VPS39: variants seen among roughly 807,000 people sequenced by gnomAD.
The protein encoded by VPS39 is VPS39 subunit of HOPS complex.
In VPS39, 70 loss-of-function variants were observed where a neutral mutation model predicts 121.0. The observed-to-expected ratio is 0.58, with a 90% CI of 0.48 to 0.71. VPS39 has a LOEUF of 0.71. Ranked by LOEUF, VPS39 falls within the 30% of genes least tolerant of loss-of-function variation. The pLI, the probability that VPS39 is intolerant of heterozygous loss-of-function variation, is 0.00. For synonymous variants in VPS39, 378 were observed against 398.1 expected (o/e 0.95, Z 0.60); for missense variants, 818 against 1,051.5 (o/e 0.78, Z 3.07).
intron 1 of VPS39, among the ~76,000 whole-genome samples, chr15:42,206,246 C>T (rs1360959260): frequency 6.6e-6 from 1 of 152,192 alleles, no homozygotes. Flanking sequence ...CCTGGACGAA[C>T]TTTCCATCCA....
At chr15:42,162,681 G>A (rs2140833682) in intron 21 of VPS39, 200 bp from the exon 22 acceptor site, 2 of 545,310 alleles carry the variant, frequency 3.7e-6, no homozygotes, top group African/African-American at 1.9e-5. Flanking sequence ...CTTTTTCCCT[G>A]AGAGAAAAAA....
At chr15:42,168,289 G>C (rs751307811) in intron 12 of VPS39, among the ~76,000 whole-genome samples, 17 of 152,212 alleles carry the variant, frequency 1.1e-4, no homozygotes, top group Admixed American at 7.2e-4. Flanking sequence ...GGCAGTGGAG[G>C]GCCTTCCACA....
Position 42,162,179 on chromosome 15 carries a change from A to G in VPS39, c.2326-13T>C. 1 of 1,614,168 alleles carries G rather than the reference A, an allele frequency of 6.2e-7. No homozygotes were observed. The highest frequency in any genetic ancestry group is 8.5e-7 in the Non-Finnish European group (1 of 1,180,002). On this transcript the variant is annotated splice_polypyrimidine_tract_variant and intron_variant, in intron 22 of 24. Coordinates refer to ENST00000318006, the MANE Select transcript of VPS39 (RefSeq NM_015289.5). ...GAAGGTTGAGGGCCTAGGGACAGGAACAGAGATAGGGACTGGGTGAGGTGA... is the reference window on the plus strand; with the variant it reads ...GAAGGTTGAGGGCCTAGGGACAGGAGCAGAGATAGGGACTGGGTGAGGTGA...
intron 7 of VPS39, among the ~76,000 whole-genome samples, chr15:42,187,055 C>T (rs1266032137): frequency 1.3e-5 from 2 of 152,118 alleles, no homozygotes; most frequent in Admixed American, 6.5e-5. Context: ...ATCATCATTA[C>T]GTAAAGAACT....
chr15:42,206,773 G>A (rs544441372), intron 1 of VPS39, among the ~76,000 whole-genome samples: 4 of 152,278 alleles, frequency 2.6e-5, no homozygotes, highest in Admixed American at 2.0e-4. Context: ...ATTCATCATT[G>A]TATTACTGTC....
At chr15:42,182,532 T>G (rs1340312097) in intron 8 of VPS39, among the ~76,000 whole-genome samples, 2 of 152,222 alleles carry the variant, frequency 1.3e-5, no homozygotes, top group East Asian at 3.8e-4. Flanking sequence ...CAGCAAGCAT[T>G]TTCTTACACG....
intron 8 of VPS39, chr15:42,178,793 G>C (rs2049512470): frequency 1.9e-6 from 1 of 531,420 alleles, no homozygotes; most frequent in African/African-American, 1.9e-5. Context: ...ACGTAGGCCG[G>C]AAGTTTGAGA....
intron 2 of VPS39, chr15:42,192,142 G>C (rs531457879): frequency 4.6e-6 from 7 of 1,533,832 alleles, no homozygotes; most frequent in African/African-American, 2.7e-5. Context: ...ATAAAAACAT[G>C]TGAATTCAGC....
chr15:42,170,741 ATTTT>A (rs869280235), intron 11 of VPS39, among the ~76,000 whole-genome samples: 4 of 50,482 alleles, frequency 7.9e-5, no homozygotes, highest in African/African-American at 2.2e-4. Context: ...ATGCTCGCAG[ATTTT>A]TTTTTTTTTT....
chr15:42,166,367 G>T, intron 15 of VPS39, 135 bp from the exon 16 acceptor site: 1 of 1,127,966 alleles, frequency 8.9e-7, no homozygotes, highest in Non-Finnish European at 1.3e-6. Context: ...GGGGTTGTTA[G>T]CCCTACTGGG....
At chr15:42,192,263 C>T (rs904559890) in intron 2 of VPS39, among the ~76,000 whole-genome samples, 1 of 152,128 alleles carries the variant, frequency 6.6e-6, no homozygotes, top group Non-Finnish European at 1.5e-5. Context: ...TAACTACATA[C>T]TGGGTTCGGG....
rs571114136 is a variant in VPS39 at position 42,169,612 on chromosome 15, A to G, written c.1233+112T>C. The G allele has an allele frequency of 1.2e-5, 15 of 1,243,640 alleles. 1 individual carries two copies. Among genetic ancestry groups the G allele is most frequent in the Non-Finnish European group, 1.6e-5 (15 of 924,938 alleles). 77.0% of individuals were successfully genotyped at this position (1,243,640 alleles called of 1,614,324 possible). On this transcript the variant is annotated intron_variant, in intron 12 of 24. Coordinates refer to ENST00000318006, the MANE Select transcript of VPS39 (RefSeq NM_015289.5). ...TTACCCCAGGCAGACTTCCTACAGC[A>G]TTAATTTACAGACTGCCTTGGCATT...
chr15:42,170,736 C>T (rs1365469765), intron 11 of VPS39, among the ~76,000 whole-genome samples: 4 of 117,984 alleles, frequency 3.4e-5, no homozygotes, highest in African/African-American at 5.8e-5. Flanking sequence ...CACAGATGCT[C>T]GCAGATTTTT....
chr15:42,161,429 C>T, intron 24 of VPS39: 1 of 573,794 alleles, frequency 1.7e-6, no homozygotes, highest in Non-Finnish European at 3.2e-6. Context: ...GTTCTAGCTT[C>T]AAGAGGGGAA....
chr15:42,201,141 G>C (rs1007394375), intron 1 of VPS39, among the ~76,000 whole-genome samples: 3 of 151,836 alleles, frequency 2.0e-5, no homozygotes, highest in Non-Finnish European at 4.4e-5. Context: ...ATAACTCTGT[G>C]AATGTACTAA....
chr15:42,164,027 G>C (rs190209366), intron 19 of VPS39, among the ~76,000 whole-genome samples: 2 of 152,336 alleles, frequency 1.3e-5, no homozygotes, highest in African/African-American at 4.8e-5. Flanking sequence ...GGTAAGATGA[G>C]CAAATGCTTG....
At chr15:42,198,315 G>A (rs1345727351) in intron 2 of VPS39, among the ~76,000 whole-genome samples, 1 of 152,076 alleles carries the variant, frequency 6.6e-6, no homozygotes, top group Non-Finnish European at 1.5e-5. Context: ...TATAGACCAG[G>A]CAAATATCAC....
chr15:42,194,879 G>T (rs1183526661), intron 2 of VPS39, among the ~76,000 whole-genome samples: 1 of 151,004 alleles, frequency 6.6e-6, no homozygotes, highest in Non-Finnish European at 1.5e-5. Context: ...GTGTTCAGGT[G>T]CTAACCAGTT....
chr15:42,160,710 G>A lies in VPS39; in HGVS notation c.*44C>T. On this transcript the variant is annotated 3_prime_UTR_variant, in exon 25 of 25. Transcript: ENST00000318006. ...GGCCAGGTGCTCCTTCACCTCTCTG[G>A]GAGAGCCAAGCTGTCCATCCGCTGG... is the stretch of plus-strand genomic sequence containing the variant. The A allele has an allele frequency of 1.3e-6, 2 of 1,579,862 alleles. No individual in the cohort carries two copies. The highest frequency in any genetic ancestry group is 1.7e-6 in the Non-Finnish European group (2 of 1,148,894).
Sources: allele counts gnomAD v4.1 joint callset (sites outside exome capture counted in the v4.1 genomes callset), GRCh38; gene constraint gnomAD v4.1.1; transcripts MANE v1.5; gene names NCBI Gene and HGNC (gene_info 2026-07-23, HGNC 2026-07-21).